CCDC88A: variants seen among roughly 807,000 people sequenced by gnomAD.
CCDC88A encodes the protein coiled-coil and HOOK domain protein 88A, also known as girdin.
A neutral mutation model predicts 234.3 loss-of-function variants in CCDC88A; 54 were observed. The observed-to-expected ratio is 0.23, with a 90% CI of 0.19 to 0.29. CCDC88A has a LOEUF of 0.29. Ranked by LOEUF, CCDC88A falls within the 10% of genes least tolerant of loss-of-function variation. The pLI, the probability that CCDC88A is intolerant of heterozygous loss-of-function variation, is 1.00. For synonymous variants in CCDC88A, 753 were observed against 737.8 expected, an observed-to-expected ratio of 1.02 and a Z score of -0.33; for missense variants, 1,832 against 2,123.4, an observed-to-expected ratio of 0.86 and a Z score of 2.70.
intron 8 of CCDC88A, 92 bp downstream of exon 8, chr2:55,355,486 CA>C (rs1268647765): frequency 1.8e-6 from 2 of 1,082,206 alleles, no homozygotes; most frequent in South Asian, 2.6e-5. Flanking sequence ...AACACTGACA[CA>C]AGCTAGCAAT....
At chr2:55,377,525 A>G (rs1396194993) in intron 3 of CCDC88A, among the ~76,000 whole-genome samples, 2 of 151,910 alleles carry the variant, frequency 1.3e-5, no homozygotes, top group Admixed American at 6.6e-5. Context: ...TCTATATCCT[A>G]CTTTGTGAAG....
chr2:55,369,076 C>G (rs761502024), intron 5 of CCDC88A, among the ~76,000 whole-genome samples: 7 of 152,098 alleles, frequency 4.6e-5, no homozygotes, highest in African/African-American at 1.7e-4. Context: ...GCTCTGTCAC[C>G]CAGGCTGGAG....
At chr2:55,369,813 C>G (rs1276431841) in intron 5 of CCDC88A, among the ~76,000 whole-genome samples, 1 of 152,058 alleles carries the variant, frequency 6.6e-6, no homozygotes, top group Non-Finnish European at 1.5e-5. Context: ...CCTAATACTA[C>G]CAGTAAACTT....
intron 3 of CCDC88A, among the ~76,000 whole-genome samples, 195 bp from the exon 4 acceptor site, chr2:55,375,078 T>G (rs186229829): frequency 1.6e-4 from 24 of 152,292 alleles, no homozygotes; most frequent in African/African-American, 5.1e-4. Context: ...TAATACCAGA[T>G]AGACTTCAGT....
Position 55,332,871 on chromosome 2 carries a change from C to CT in CCDC88A, c.2728-179dup, listed in dbSNP as rs535616124. 3.9e-5 allele frequency among the ~76,000 whole-genome samples: 6 copies of CT among 152,136 alleles called. No individual in the cohort carries two copies. Among genetic ancestry groups the CT allele is most frequent in the Non-Finnish European group, 5.9e-5 (4 of 67,988 alleles). On this transcript the variant is annotated intron_variant, in intron 15 of 32. Transcript: ENST00000436346. This position sits in a 1 kb window ranked among gnomAD's most constrained non-coding sequence, Gnocchi z 4.5. The stretch of plus-strand genomic sequence containing the variant: ...TAAAGTTATAACCTAGTTGAAATAA[C>CT]TTTTTTCCTTTTTTTTGCTAATACT...
Position 55,335,191 on chromosome 2 carries a change from G to A in CCDC88A, c.1657-27C>T. The A allele has an allele frequency of 7.2e-7, 1 of 1,380,438 alleles. No individual in the cohort carries two copies. Among genetic ancestry groups the A allele is most frequent in the Non-Finnish European group, 9.6e-7 (1 of 1,039,574 alleles). 85.5% of individuals were successfully genotyped at this position (1,380,438 alleles called of 1,614,324 possible). On this transcript the variant is annotated intron_variant, in intron 14 of 32. Transcript: ENST00000436346. The surrounding 1 kb of genome is among the most constrained non-coding windows in gnomAD (Gnocchi z 4.5). ...TAATTTGAAAAGAAAATAATTAAAA[G>A]CTGTAATTGAGGAAAAACTAACTAT...
At position 55,309,004 on chromosome 2, in the gene CCDC88A, G is replaced by C. The variant is rs770315582; in HGVS notation, c.4192C>G (p.Leu1398Val). The C allele has an allele frequency of 6.2e-7, 1 of 1,613,222 alleles. No individual in the cohort carries two copies. Among genetic ancestry groups the C allele is most frequent in the African/African-American group, 1.3e-5 (1 of 74,992 alleles). The change falls in exon 25 of 33, where the codon CTA becomes GTA. Residue 1398 changes from leucine (L) to valine (V), a missense_variant. By Grantham distance (32) the Leu-to-Val change is conservative. This residue lies in a region of CCDC88A where 1,282 missense variants were observed against 1,543.6 expected (regional missense o/e 0.83). Transcript: ENST00000436346. This position sits in a 1 kb window ranked among gnomAD's most constrained non-coding sequence, Gnocchi z 5.1. ...GACTTTATCAATTTTCTCATTTTTA[G>C]AGTAATCCAGTTGCCTCTCCTAACA... is the stretch of plus-strand genomic sequence containing the variant. ...PPRRRGNWIT[L>V]KMRKLIKSKK...
chr2:55,303,028 T>G, intron 26 of CCDC88A, 41 bp downstream of exon 26: 1 of 1,191,136 alleles, frequency 8.4e-7, no homozygotes, highest in Non-Finnish European at 1.2e-6. Flanking sequence ...TGAAAGCCAG[T>G]GTAGTCAGTT....
intron 32 of CCDC88A, 128 bp from the exon 33 acceptor site, chr2:55,291,292 T>C (rs982323737): frequency 1.3e-5 from 2 of 153,642 alleles, no homozygotes; most frequent in African/African-American, 4.8e-5. Flanking sequence ...AGAATGAGAA[T>C]GACAGACAAT....
At chr2:55,412,273 T>C (rs1680632946) in intron 2 of CCDC88A, among the ~76,000 whole-genome samples, 2 of 152,128 alleles carry the variant, frequency 1.3e-5, no homozygotes, top group Admixed American at 1.3e-4. Flanking sequence ...TTCCGAATCA[T>C]AAGGAAGAAA....
Position 55,384,506 on chromosome 2 carries a change from T to C in CCDC88A, c.273+4272A>G, listed in dbSNP as rs1281195677. Among the ~76,000 whole-genome samples the C allele has an allele frequency of 8.6e-4, 99 of 115,416 alleles. 2 individuals carry two copies. Among genetic ancestry groups the C allele is most frequent in the African/African-American group, 4.2e-3 (92 of 21,914 alleles). The allele number at this position is 115,416 out of a possible 152,430, so 75.7% of individuals were successfully genotyped here. A position where few individuals can be genotyped will look rare whatever the true frequency, so the allele number is the denominator to read the frequency against. Reference sequence around the variant, plus strand: ...ATTATATATTTAATTATATATTGAATATTATATATAAATTATATATATATA... The same window carrying C: ...ATTATATATTTAATTATATATTGAACATTATATATAAATTATATATATATA... On this transcript the variant is annotated intron_variant, in intron 3 of 32. Coordinates refer to ENST00000436346, the MANE Select transcript of CCDC88A (RefSeq NM_001365480.1).
chr2:55,404,012 A>G (rs1679154614), intron 2 of CCDC88A: 1 of 152,232 alleles, frequency 6.6e-6, no homozygotes, highest in Non-Finnish European at 1.5e-5. Flanking sequence ...ATATACAGTC[A>G]CGTATTTCCC....
At chr2:55,371,665 A>C (rs1024775400) in intron 5 of CCDC88A, among the ~76,000 whole-genome samples, 3 of 152,188 alleles carry the variant, frequency 2.0e-5, no homozygotes, top group Non-Finnish European at 4.4e-5. Flanking sequence ...ATATGTATTT[A>C]AAACAGAAAT....
At chr2:55,311,716 G>A (rs1055646066) in intron 23 of CCDC88A, among the ~76,000 whole-genome samples, 17 of 152,086 alleles carry the variant, frequency 1.1e-4, no homozygotes, top group Non-Finnish European at 2.2e-4. Flanking sequence ...ATGAATCATC[G>A]GGTAGTAATA....
intron 22 of CCDC88A, chr2:55,314,265 C>G (rs996724290): frequency 3.3e-5 from 5 of 152,234 alleles, no homozygotes; most frequent in Non-Finnish European, 7.3e-5. Flanking sequence ...AGTAGATTAG[C>G]ATAGATGCTC....
At chr2:55,306,097 A>C (rs1681533461) in intron 25 of CCDC88A, 1 of 152,092 alleles carries the variant, frequency 6.6e-6, no homozygotes, top group Admixed American at 6.6e-5. Flanking sequence ...TTGTATTTTT[A>C]GTAGAGACAG....
chr2:55,317,574 G>A lies in CCDC88A; in HGVS notation c.3592C>T (p.Leu1198Phe). 6.4e-7 allele frequency: 1 copy of A among 1,557,966 alleles called. No homozygotes were observed. Among genetic ancestry groups the A allele is most frequent in the Non-Finnish European group, 8.7e-7 (1 of 1,147,542 alleles). ...AATATAATAAATTACCGGTCTTCAA[G>A]GTCTCTATGTTCCACCTCAAGATTT... ...HKNLEVEHRDLEDRYNQLLKQ... is the reference protein window; with the variant it reads ...HKNLEVEHRDFEDRYNQLLKQ... The change falls in exon 20 of 33, where the codon CTT (leucine) becomes TTT (phenylalanine). Residue 1198 changes from leucine to phenylalanine, a missense_variant. Around this residue, in one of 6 missense-constraint regions of CCDC88A, gnomAD observed 1,282 missense variants for 1,543.6 expected, o/e 0.83. Coordinates refer to ENST00000436346, the MANE Select transcript of CCDC88A (RefSeq NM_001365480.1). This position sits in a 1 kb window ranked among gnomAD's most constrained non-coding sequence, Gnocchi z 4.2.
chr2:55,302,190 A>C, intron 26 of CCDC88A, 118 bp from the exon 27 acceptor site: 2 of 729,962 alleles, frequency 2.7e-6, no homozygotes, highest in South Asian at 3.6e-5. Context: ...GACATAAAAA[A>C]TTATAACCAC....
intron 16 of CCDC88A, among the ~76,000 whole-genome samples, chr2:55,331,570 T>C (rs1422833939): frequency 6.6e-6 from 1 of 152,194 alleles, no homozygotes; most frequent in Non-Finnish European, 1.5e-5. Flanking sequence ...AATGAAAATC[T>C]AGTCTACATA....
Sources: allele counts gnomAD v4.1 joint callset (sites outside exome capture counted in the v4.1 genomes callset), GRCh38; gene constraint gnomAD v4.1.1; regional missense constraint gnomAD v4.1.1; non-coding constraint Gnocchi (gnomAD v3.1); transcripts MANE v1.5; gene names NCBI Gene and HGNC (gene_info 2026-07-23, HGNC 2026-07-21).